CNBD1: variants seen among roughly 807,000 people sequenced by gnomAD.
The protein encoded by CNBD1 is cyclic nucleotide binding domain containing 1, also known as cyclic nucleotide-binding domain-containing protein 1.
In CNBD1, 71 loss-of-function variants were observed where a neutral mutation model predicts 54.4. The ratio of observed to expected loss-of-function variants is 1.30; its 90% CI spans 1.08 to 1.59. CNBD1 has a LOEUF of 1.59. CNBD1 is among the 40% of genes most tolerant of loss of function. The pLI, the probability that CNBD1 is intolerant of heterozygous loss-of-function variation, is 0.00. For missense variants in CNBD1, 659 were observed against 518.0 expected, an observed-to-expected ratio of 1.27 and a Z score of -2.64; for synonymous variants, 182 against 170.7, an observed-to-expected ratio of 1.07 and a Z score of -0.51.
chr8:87,353,238 T>G (rs1474483685), intron 9 of CNBD1, among the ~76,000 whole-genome samples: 1 of 152,242 alleles, frequency 6.6e-6, no homozygotes, highest in Non-Finnish European at 1.5e-5. Context: ...CTTATTTTCC[T>G]TCTTCCCTGT....
At position 87,389,989 on chromosome 8, in the gene CNBD1, C is replaced by A. The variant is rs374140281; in HGVS notation, c.213+36203C>A. 2.8e-3 allele frequency among the ~76,000 whole-genome samples: 407 copies of A among 143,092 alleles called. 3 individuals carry two copies. The highest frequency in any genetic ancestry group is 9.2e-3 in the African/African-American group (376 of 40,798). 93.9% of individuals were successfully genotyped at this position (143,092 alleles called of 152,430 possible). On this transcript the variant is annotated intron_variant, in intron 2 of 7. Transcript: ENST00000521593. ...CTTTGACAAACCTGAGAAAAACAAG[C>A]AATGGGGAAAGGATTCCCTATTTAA... is the stretch of plus-strand genomic sequence containing the variant.
Position 87,351,726 on chromosome 8 carries a change from A to G in CNBD1, c.1084A>G (p.Ile362Val), listed in dbSNP as rs1341693053. The change falls in exon 9 of 11, where the codon ATT (isoleucine) becomes GTT (valine). Residue 362 changes from isoleucine to valine, a missense_variant. Coordinates refer to ENST00000518476, the MANE Select transcript of CNBD1 (RefSeq NM_173538.3). ...AAATATAATTTCTTTTGTGGGTTAT[A>G]TTAACTCTGGATGCTGTAACATTTA... ...SGNIISFVGY[I>V]NSGCCNIYRS... 5.9e-6 allele frequency: 9 copies of G among 1,536,934 alleles called. No homozygotes were observed. The African/African-American group carries it at 9.8e-5, about 17-fold the overall frequency.
chr8:87,196,301 A>AT (rs1408734820), intron 4 of CNBD1, among the ~76,000 whole-genome samples: 2 of 152,184 alleles, frequency 1.3e-5, no homozygotes, highest in Non-Finnish European at 2.9e-5. Context: ...AAGAGCAAAG[A>AT]TTTTTTGGTT....
intron 3 of CNBD1, among the ~76,000 whole-genome samples, chr8:86,916,881 T>A (rs1809194884): frequency 6.6e-6 from 1 of 151,062 alleles, no homozygotes; most frequent in Non-Finnish European, 1.5e-5. Flanking sequence ...CTTTTTTTTT[T>A]TTTTTTTGAG....
At chr8:87,183,324 AG>A (rs1282386894) in intron 4 of CNBD1, among the ~76,000 whole-genome samples, 14 of 147,678 alleles carry the variant, frequency 9.5e-5, no homozygotes, top group African/African-American at 3.5e-4. Context: ...GAAATCAGGT[AG>A]TGTGATACCT....
chr8:86,890,434 C>A (rs374637296), intron 2 of CNBD1, among the ~76,000 whole-genome samples: 1 of 152,002 alleles, frequency 6.6e-6, no homozygotes, highest in East Asian at 1.9e-4. Flanking sequence ...TTTTTAAGAC[C>A]GAACAGTATT....
chr8:87,060,199 G>A (rs1328621956), intron 4 of CNBD1, among the ~76,000 whole-genome samples: 2 of 152,170 alleles, frequency 1.3e-5, no homozygotes, highest in South Asian at 2.1e-4. Context: ...TTAGCCTTGT[G>A]AAACCATGAG....
chr8:86,957,963 A>AT (rs1168011689), intron 4 of CNBD1, among the ~76,000 whole-genome samples: 4 of 152,200 alleles, frequency 2.6e-5, no homozygotes, highest in African/African-American at 7.2e-5. Context: ...TCTTGTGCGC[A>AT]TTTAGTGCTA....
chr8:87,411,589 T>A (rs1253320652), intron 2 of CNBD1, among the ~76,000 whole-genome samples: 1 of 150,686 alleles, frequency 6.6e-6, no homozygotes, highest in Non-Finnish European at 1.5e-5. Context: ...TATTGAAGTT[T>A]TATGTATATC....
At chr8:87,356,959 G>A (rs1259586174) in intron 10 of CNBD1, among the ~76,000 whole-genome samples, 3 of 152,182 alleles carry the variant, frequency 2.0e-5, no homozygotes, top group Non-Finnish European at 2.9e-5. Context: ...CTCAGAATCT[G>A]AGCAGAGCCA....
At chr8:87,011,369 C>T (rs1454980250) in intron 4 of CNBD1, among the ~76,000 whole-genome samples, 2 of 151,994 alleles carry the variant, frequency 1.3e-5, no homozygotes, top group Non-Finnish European at 2.9e-5. Context: ...ATTTGGGTTG[C>T]CTCTGTTAGT....
chr8:86,870,189 C>CCTTTTTTTTTTTTTTTTTTTT (rs1554626453), intron 1 of CNBD1, among the ~76,000 whole-genome samples: 17 of 100,592 alleles, frequency 1.7e-4, no homozygotes, highest in Admixed American at 7.3e-4. Context: ...AGATAGTACT[C>CCTTTTTTTTTTTTTTTTTTTT]TTTTTTTTTT....
intron 4 of CNBD1, among the ~76,000 whole-genome samples, chr8:87,063,068 G>A (rs1810578012): frequency 6.6e-6 from 1 of 152,110 alleles, no homozygotes; most frequent in Admixed American, 6.5e-5. Flanking sequence ...ATGGGAGACT[G>A]GTAAATTGGC....
chr8:87,252,319 T>C (rs1807931920), intron 6 of CNBD1, among the ~76,000 whole-genome samples: 1 of 152,182 alleles, frequency 6.6e-6, no homozygotes, highest in East Asian at 1.9e-4. Context: ...CAATGATAAT[T>C]GACTCTCAAT....
intron 6 of CNBD1, among the ~76,000 whole-genome samples, chr8:87,265,082 A>G (rs1047739139): frequency 7.9e-5 from 12 of 152,086 alleles, no homozygotes; most frequent in Non-Finnish European, 1.0e-4. Flanking sequence ...GCCCATGCCT[A>G]TGTCCTGAAT....
At chr8:87,389,433 C>T (rs1429849086) in intron 2 of CNBD1, among the ~76,000 whole-genome samples, 2 of 152,110 alleles carry the variant, frequency 1.3e-5, no homozygotes, top group African/African-American at 2.4e-5. Flanking sequence ...GTGCAAAAAT[C>T]ACAAGCATTC....
rs560063577 is a variant in CNBD1 at position 87,157,780 on chromosome 8, T to G, written c.432-48213T>G. 7.2e-5 allele frequency among the ~76,000 whole-genome samples: 11 copies of G among 152,308 alleles called. No individual in the cohort carries two copies. The South Asian group carries it at 2.3e-3, about 32-fold the overall frequency. On this transcript the variant is annotated intron_variant, in intron 4 of 10. Coordinates refer to ENST00000518476, the MANE Select transcript of CNBD1 (RefSeq NM_173538.3). Reference sequence around the variant, plus strand: ...TATCTGTTTTCATTCCTAGCACATTTGCCTATTTTTTTCTTTTATTCAAAA... The same window carrying G: ...TATCTGTTTTCATTCCTAGCACATTGGCCTATTTTTTTCTTTTATTCAAAA...
intron 4 of CNBD1, among the ~76,000 whole-genome samples, chr8:87,164,292 A>G (rs970545276): frequency 6.6e-6 from 1 of 151,832 alleles, no homozygotes; most frequent in Non-Finnish European, 1.5e-5. Context: ...CTATCAGGGT[A>G]ATGCTGGCCT....
intron 8 of CNBD1, among the ~76,000 whole-genome samples, chr8:87,345,264 C>T (rs1047795220): frequency 5.3e-5 from 8 of 152,248 alleles, no homozygotes; most frequent in Admixed American, 3.3e-4. Context: ...GCTAGAAAAA[C>T]TGAAGGGTTA....
Sources: allele counts gnomAD v4.1 joint callset (sites outside exome capture counted in the v4.1 genomes callset), GRCh38; gene constraint gnomAD v4.1.1; transcripts MANE v1.5; gene names NCBI Gene and HGNC (gene_info 2026-07-23, HGNC 2026-07-21).